PLD1: variants seen among roughly 807,000 people sequenced by gnomAD.
The protein encoded by PLD1 is phospholipase D1.
Under a neutral mutation model 137.1 loss-of-function variants are expected in PLD1, and 112 were observed. The observed-to-expected ratio is 0.82, with a 90% CI of 0.70 to 0.96. The LOEUF is 0.96. PLD1 is among the 40% of genes least tolerant of loss of function. The pLI is 0.00. For synonymous variants in PLD1, 431 were observed against 454.7 expected (o/e 0.95, Z 0.66); for missense variants, 1,321 against 1,342.0 (o/e 0.98, Z 0.24).
chr3:171,611,612 C>G, intron 25 of PLD1: 1 of 518,874 alleles, frequency 1.9e-6, no homozygotes, highest in Non-Finnish European at 3.8e-6. Flanking sequence ...CAGGGATCTT[C>G]GACACCTGGA....
chr3:171,735,900 C>A (rs113375524), intron 3 of PLD1, among the ~76,000 whole-genome samples: 1 of 152,160 alleles, frequency 6.6e-6, no homozygotes, highest in Non-Finnish European at 1.5e-5. Context: ...AACATATGTG[C>A]GTGTATGCAT....
chr3:171,765,365 CAAT>C (rs1343001774), intron 1 of PLD1: 1 of 152,172 alleles, frequency 6.6e-6, no homozygotes, highest in African/African-American at 2.4e-5. Context: ...GTTCCAACAA[CAAT>C]GATGAGAGTA....
chr3:171,770,729 A>T (rs762785866), intron 1 of PLD1, among the ~76,000 whole-genome samples: 51 of 146,404 alleles, frequency 3.5e-4, no homozygotes, highest in Non-Finnish European at 1.7e-4. Flanking sequence ...AAAAAAGTAT[A>T]AAAAAAAAAA....
In PLD1 at chr3:171,677,671, G is replaced by A; in HGVS notation, c.1891C>T (p.Gln631Ter). The change falls in exon 17 of 27, where the codon CAG (glutamine) becomes TAG (stop). Residue 631 changes from glutamine (Q) to a stop codon, truncating the protein, a stop_gained. Transcript: ENST00000351298. LOFTEE classifies it high-confidence loss of function. Reference sequence around the variant, plus strand: ...CCATGCAGCTCTCCCACACCTGTCTGTAAACTACGGATGGACCCGGTATCT... The same window carrying A: ...CCATGCAGCTCTCCCACACCTGTCTATAAACTACGGATGGACCCGGTATCT... ...HADTGSIRSL[Q>*]TGVGELHGET... The A allele has an allele frequency of 1.2e-6, 2 of 1,614,008 alleles. No individual in the cohort carries two copies. Among genetic ancestry groups the A allele is most frequent in the Non-Finnish European group, 1.7e-6 (2 of 1,179,926 alleles).
intron 8 of PLD1, among the ~76,000 whole-genome samples, chr3:171,723,582 C>T (rs1036146314): frequency 6.6e-6 from 1 of 152,154 alleles, no homozygotes; most frequent in African/African-American, 2.4e-5. Context: ...AATTTACATT[C>T]CCATCAACAG....
At chr3:171,726,648 A>G (rs1718536407) in intron 6 of PLD1, among the ~76,000 whole-genome samples, 1 of 152,264 alleles carries the variant, frequency 6.6e-6, no homozygotes, top group Admixed American at 6.5e-5. Context: ...AACATCAGGC[A>G]TAATGAAAAG....
intron 23 of PLD1, among the ~76,000 whole-genome samples, chr3:171,620,752 A>C (rs1196061636): frequency 2.0e-3 from 272 of 133,694 alleles, no homozygotes; most frequent in Admixed American, 3.3e-3. Context: ...CTATATATAT[A>C]TATATATATA....
chr3:171,605,259 C>T, intron 26 of PLD1, 40 bp downstream of exon 26: 1 of 1,062,452 alleles, frequency 9.4e-7, no homozygotes, highest in South Asian at 1.2e-5. Context: ...TGATGAGATT[C>T]AGTGAAAAGA....
chr3:171,807,784 A>T (rs1213658707), intron 1 of PLD1, among the ~76,000 whole-genome samples: 1 of 152,202 alleles, frequency 6.6e-6, no homozygotes, highest in Non-Finnish European at 1.5e-5. Flanking sequence ...TATGTTCACC[A>T]CAGCACTAGT....
At chr3:171,741,691 T>TTTATTCTCG (rs1164567368) in intron 1 of PLD1, among the ~76,000 whole-genome samples, 1 of 152,232 alleles carries the variant, frequency 6.6e-6, no homozygotes, top group Non-Finnish European at 1.5e-5. Flanking sequence ...TAAGGGTTTT[T>TTTATTCTCG]TTATTCTCGT....
chr3:171,736,814 T>C (rs1719391384), intron 3 of PLD1, among the ~76,000 whole-genome samples: 1 of 152,202 alleles, frequency 6.6e-6, no homozygotes, highest in Non-Finnish European at 1.5e-5. Flanking sequence ...CTGCAGCAAT[T>C]GTCCTCCCCC....
intron 1 of PLD1, among the ~76,000 whole-genome samples, chr3:171,746,638 G>A (rs541537682): frequency 6.6e-6 from 1 of 152,206 alleles, no homozygotes; most frequent in South Asian, 2.1e-4. Context: ...GTGGGGACTT[G>A]GAGAACCTTT....
intron 23 of PLD1, among the ~76,000 whole-genome samples, chr3:171,635,632 CT>C (rs1735038580): frequency 6.6e-6 from 1 of 152,002 alleles, no homozygotes; most frequent in Non-Finnish European, 1.5e-5. Context: ...ATTTTTATTA[CT>C]GAATTGTAGG....
chr3:171,606,369 T>C (rs1732203076), intron 25 of PLD1, among the ~76,000 whole-genome samples: 1 of 152,208 alleles, frequency 6.6e-6, no homozygotes, highest in Admixed American at 6.5e-5. Flanking sequence ...GAGTAGGCAG[T>C]AGATAAATGG....
chr3:171,695,142 T>A (rs1399339744), intron 12 of PLD1, among the ~76,000 whole-genome samples: 31 of 152,202 alleles, frequency 2.0e-4, no homozygotes. Flanking sequence ...GAATCATTCC[T>A]TGGGGATGAA....
intron 8 of PLD1, among the ~76,000 whole-genome samples, chr3:171,716,726 T>G (rs1274819288): frequency 6.6e-6 from 1 of 152,260 alleles, no homozygotes; most frequent in African/African-American, 2.4e-5. Flanking sequence ...TCTTTTGCTG[T>G]GCAGAAGCTC....
At chr3:171,611,500 T>G (rs940857493) in intron 25 of PLD1, 2 of 475,458 alleles carry the variant, frequency 4.2e-6, no homozygotes, top group Non-Finnish European at 8.3e-6. Context: ...TTGAATGGAC[T>G]TATTTAGGAT....
chr3:171,603,162 G>C lies in PLD1; in HGVS notation c.3141C>G (p.Phe1047Leu), dbSNP rs544189603. The change falls in exon 27 of 27, where the codon TTC (phenylalanine) becomes TTG (leucine). Residue 1047 changes from phenylalanine (F) to leucine (L), a missense_variant. Physicochemically the swap from Phe to Leu is conservative, Grantham distance 22. Coordinates refer to ENST00000351298, the MANE Select transcript of PLD1 (RefSeq NM_002662.5). ...TTTCTTCAGACAAGAAATAAAAGGGGAATTGCACCAAAAATCCACGGATCT... is the reference window on the plus strand; with the variant it reads ...TTTCTTCAGACAAGAAATAAAAGGGCAATTGCACCAAAAATCCACGGATCT... ...LKKIRGFLVQ[F>L]PFYFLSEESL... 66 of 1,613,940 alleles carry C rather than the reference G, an allele frequency of 4.1e-5. No individual in the cohort carries two copies. The Middle Eastern group carries it at 4.9e-4, about 12-fold the overall frequency.
At chr3:171,805,861 C>G (rs577770560) in intron 1 of PLD1, among the ~76,000 whole-genome samples, 1 of 152,250 alleles carries the variant, frequency 6.6e-6, no homozygotes, top group South Asian at 2.1e-4. Flanking sequence ...TCTCACTATG[C>G]CTCAAACTGC....
Sources: allele counts gnomAD v4.1 joint callset (sites outside exome capture counted in the v4.1 genomes callset), GRCh38; gene constraint gnomAD v4.1.1; transcripts MANE v1.5; gene names NCBI Gene and HGNC (gene_info 2026-07-23, HGNC 2026-07-21).